BTBD9: variants seen among roughly 807,000 people sequenced by gnomAD.
BTBD9 encodes the protein BTB domain containing 9, also known as BTB/POZ domain-containing protein 9.
BTBD9 carries 49 observed loss-of-function variants against 64.3 expected under a neutral mutation model. The ratio of observed to expected loss-of-function variants is 0.76; its 90% confidence interval spans 0.61 to 0.97. BTBD9 has a LOEUF of 0.97. Ranked by LOEUF, BTBD9 falls within the 50% of genes least tolerant of loss-of-function variation. BTBD9 has a pLI of 0.00. For synonymous variants in BTBD9, 260 were observed against 274.7 expected (o/e 0.95, Z 0.53); for missense variants, 598 against 762.1 (o/e 0.78, Z 2.53).
At chr6:38,569,648 T>C (rs1424666934) in intron 6 of BTBD9, among the ~76,000 whole-genome samples, 1 of 152,164 alleles carries the variant, frequency 6.6e-6, no homozygotes, top group Non-Finnish European at 1.5e-5. Context: ...TGTTCTGTTT[T>C]CTCACACAAA....
At chr6:38,214,362 T>C (rs1463158357) in intron 9 of BTBD9, among the ~76,000 whole-genome samples, 1 of 152,266 alleles carries the variant, frequency 6.6e-6, no homozygotes, top group African/African-American at 2.4e-5. Context: ...AGGACTGACC[T>C]AGCCCGCTGG....
chr6:38,266,674 GAAAGAAGAAAA>G (rs1561947763), intron 8 of BTBD9, among the ~76,000 whole-genome samples: 11 of 123,102 alleles, frequency 8.9e-5, no homozygotes, highest in Non-Finnish European at 1.7e-5. Flanking sequence ...AAGAAAGAAA[GAAAGAAGAAAA>G]AGAAAATTAT....
intron 8 of BTBD9, among the ~76,000 whole-genome samples, chr6:38,284,367 CTT>C (rs756827078): frequency 2.0e-5 from 3 of 152,186 alleles, no homozygotes; most frequent in Non-Finnish European, 4.4e-5. Context: ...ACTGTTCTCT[CTT>C]GTCTTAAGCC....
intron 6 of BTBD9, among the ~76,000 whole-genome samples, chr6:38,534,237 G>A (rs1357007255): frequency 6.6e-6 from 1 of 151,914 alleles, no homozygotes; most frequent in Non-Finnish European, 1.5e-5. Context: ...GCTGCTATGA[G>A]CAACTATATG....
At chr6:38,580,104 A>T in intron 5 of BTBD9, 114 bp downstream of exon 5, 1 of 977,508 alleles carries the variant, frequency 1.0e-6, no homozygotes, top group Non-Finnish European at 1.5e-6. Context: ...TTCAAGAGAT[A>T]GCAGAATGAT....
chr6:38,276,441 A>G (rs1040018843), intron 8 of BTBD9, among the ~76,000 whole-genome samples: 2 of 152,140 alleles, frequency 1.3e-5, no homozygotes, highest in Non-Finnish European at 2.9e-5. Context: ...TGGCACATGT[A>G]TACATATGTA....
chr6:38,505,263 G>A (rs953875562), intron 6 of BTBD9, among the ~76,000 whole-genome samples: 10 of 152,126 alleles, frequency 6.6e-5, no homozygotes, highest in Non-Finnish European at 1.2e-4. Context: ...TCTGTCTATA[G>A]ACCAAATCTC....
At chr6:38,211,687 T>C (rs1338847142) in intron 9 of BTBD9, among the ~76,000 whole-genome samples, 2 of 151,876 alleles carry the variant, frequency 1.3e-5, no homozygotes, top group Non-Finnish European at 2.9e-5. Flanking sequence ...GAGGTTGCAG[T>C]GAGCTGAGAT....
intron 9 of BTBD9, among the ~76,000 whole-genome samples, chr6:38,199,432 G>A (rs1261879245): frequency 2.6e-5 from 4 of 151,966 alleles, no homozygotes; most frequent in Admixed American, 2.0e-4. Flanking sequence ...TATTGATCAA[G>A]TCCTTACTAT....
intron 2 of BTBD9, chr6:38,595,873 CCTT>C: frequency 1.0e-6 from 1 of 984,770 alleles, no homozygotes; most frequent in Non-Finnish European, 1.2e-6. Flanking sequence ...AAGAACTTCT[CCTT>C]CTCGGGGAGA....
At chr6:38,427,935 T>C (rs1306766409) in intron 6 of BTBD9, among the ~76,000 whole-genome samples, 3 of 151,998 alleles carry the variant, frequency 2.0e-5, no homozygotes, top group Admixed American at 2.0e-4. Flanking sequence ...TCCTGAACAG[T>C]GTAATGTTTG....
At chr6:38,509,563 T>C (rs1772689248) in intron 6 of BTBD9, among the ~76,000 whole-genome samples, 1 of 152,126 alleles carries the variant, frequency 6.6e-6, no homozygotes, top group African/African-American at 2.4e-5. Context: ...AATAAAGCAC[T>C]GAAGTGGGTT....
At chr6:38,500,864 T>C (rs1382256694) in intron 6 of BTBD9, among the ~76,000 whole-genome samples, 4 of 152,182 alleles carry the variant, frequency 2.6e-5, no homozygotes, top group East Asian at 1.9e-4. Context: ...TTGTGGGTCA[T>C]AGGCGACATG....
intron 6 of BTBD9, among the ~76,000 whole-genome samples, chr6:38,398,587 T>C (rs942447599): frequency 6.6e-6 from 1 of 152,178 alleles, no homozygotes; most frequent in Non-Finnish European, 1.5e-5. Context: ...TCTGTCTACC[T>C]GCTCACTGGC....
chr6:38,391,463 C>A (rs1300338119), intron 6 of BTBD9, among the ~76,000 whole-genome samples: 1 of 152,150 alleles, frequency 6.6e-6, no homozygotes, highest in Non-Finnish European at 1.5e-5. Flanking sequence ...GAAGTCAGAT[C>A]AGTGAAGCAG....
chr6:38,232,661 G>A (rs1349794061), intron 9 of BTBD9, among the ~76,000 whole-genome samples: 2 of 148,944 alleles, frequency 1.3e-5, no homozygotes, highest in East Asian at 2.0e-4. Context: ...TAAACCTTTC[G>A]CAACTTTTTT....
chr6:38,337,207 C>A (rs1035498884), intron 7 of BTBD9, among the ~76,000 whole-genome samples: 2 of 152,220 alleles, frequency 1.3e-5, no homozygotes, highest in East Asian at 3.8e-4. Flanking sequence ...TGTTTCTGCT[C>A]CAGAGGACAT....
At chr6:38,600,175 A>G (rs1341672949) in intron 1 of BTBD9, among the ~76,000 whole-genome samples, 1 of 152,256 alleles carries the variant, frequency 6.6e-6, no homozygotes, top group African/African-American at 2.4e-5. Context: ...AGGGTCAGAC[A>G]GTACATGGTT....
At chr6:38,582,558 C>T (rs574010888) in intron 4 of BTBD9, among the ~76,000 whole-genome samples, 1 of 152,324 alleles carries the variant, frequency 6.6e-6, no homozygotes, top group Non-Finnish European at 1.5e-5. Context: ...TATTCTGCTC[C>T]TTCCCTCTTG....
Sources: allele counts gnomAD v4.1 joint callset (sites outside exome capture counted in the v4.1 genomes callset), GRCh38; gene constraint gnomAD v4.1.1; transcripts MANE v1.5; gene names NCBI Gene and HGNC (gene_info 2026-07-23, HGNC 2026-07-21).